Variants in CFAP69 observed in about 807,000 individuals in gnomAD.
CFAP69 encodes the protein cilia and flagella associated protein 69, also known as cilia- and flagella-associated protein 69.
Under a neutral mutation model 123.0 loss-of-function variants are expected in CFAP69, and 92 were observed. The observed-to-expected ratio is 0.75, with a 90% CI of 0.63 to 0.89. The LOEUF is 0.89. Ranked by LOEUF, CFAP69 falls within the 40% of genes least tolerant of loss-of-function variation. The probability of loss-of-function intolerance (pLI) is 0.00; values close to 1 mark genes in which losing one functional copy is unlikely to be tolerated. For missense variants in CFAP69, 1,067 were observed against 1,096.9 expected (o/e 0.97, Z 0.39); for synonymous variants, 380 against 364.3 (o/e 1.04, Z -0.49).
At chr7:90,253,300 C>T (rs1355628873) in intron 1 of CFAP69, among the ~76,000 whole-genome samples, 1 of 152,148 alleles carries the variant, frequency 6.6e-6, no homozygotes, top group Non-Finnish European at 1.5e-5. Flanking sequence ...TTGTAGATCC[C>T]TGTATCATCA....
At chr7:90,261,621 T>A (rs1357466008) in intron 3 of CFAP69, among the ~76,000 whole-genome samples, 1 of 152,220 alleles carries the variant, frequency 6.6e-6, no homozygotes, top group Non-Finnish European at 1.5e-5. Flanking sequence ...AGTAAGTTAA[T>A]GTTTTCAATG....
chr7:90,314,648 T>C, downstream of CFAP69, among the ~76,000 whole-genome samples: 1 of 150,030 alleles, frequency 6.7e-6, no homozygotes, highest in East Asian at 2.0e-4. Flanking sequence ...ATGAGAGGTA[T>C]ATAGGAACTC....
At chr7:90,254,930 G>A (rs1037865376) in intron 1 of CFAP69, among the ~76,000 whole-genome samples, 1 of 152,132 alleles carries the variant, frequency 6.6e-6, no homozygotes, top group African/African-American at 2.4e-5. Context: ...ATGGACTCAA[G>A]AAATATTTAA....
intron 15 of CFAP69, among the ~76,000 whole-genome samples, chr7:90,289,270 T>TC (rs1051546589): frequency 6.6e-6 from 1 of 152,096 alleles, no homozygotes; most frequent in African/African-American, 2.4e-5. Context: ...ATTACACCTT[T>TC]CCCAGTAGTG....
Position 90,310,110 on chromosome 7 carries a change from C to T in CFAP69, c.2698C>T (p.Arg900Ter), listed in dbSNP as rs764069420. The change falls in exon 23 of 23, where the codon CGA (arginine) becomes TGA (stop). Residue 900 changes from arginine (R) to a stop codon, truncating the protein, a stop_gained. Transcript: ENST00000389297. LOFTEE classifies it high-confidence loss of function. ...GVVTVESTPA[R>*]LVGGPLVDTD... ...AGTAACAGTGGAAAGCACTCCTGCC[C>T]GATTAGTAGGAGGACCTCTGGTTGA... The T allele has an allele frequency of 6.2e-6, 10 of 1,613,504 alleles. No individual in the cohort carries two copies. The highest frequency in any genetic ancestry group is 2.7e-5 in the African/African-American group (2 of 74,814).
chr7:90,283,181 G>T, intron 13 of CFAP69, 125 bp downstream of exon 13: 1 of 724,736 alleles, frequency 1.4e-6, no homozygotes, highest in South Asian at 4.5e-5. Flanking sequence ...ATATTTTCTT[G>T]ATTTTTGTTT....
chr7:90,273,566 G>A (rs750263694), intron 8 of CFAP69, among the ~76,000 whole-genome samples: 44 of 152,156 alleles, frequency 2.9e-4, no homozygotes, highest in Non-Finnish European at 6.0e-4. Context: ...TATAAAAAGG[G>A]AGATTTTGTT....
At chr7:90,273,950 A>G in intron 8 of CFAP69, 37 bp from the exon 9 acceptor site, 3 of 1,483,008 alleles carry the variant, frequency 2.0e-6, no homozygotes, top group Non-Finnish European at 9.2e-7. Flanking sequence ...TTTAGTGTAT[A>G]ACAATATAGT....
intron 9 of CFAP69, among the ~76,000 whole-genome samples, chr7:90,276,515 A>G (rs6465253): frequency 0.87 from 132,922 of 152,272 alleles, 58,146 homozygotes; most frequent in East Asian, 1. Flanking sequence ...AATGTGCAAA[A>G]TCCAACTAGG....
intron 13 of CFAP69, among the ~76,000 whole-genome samples, chr7:90,285,326 C>G (rs1790106995): frequency 6.6e-6 from 1 of 152,180 alleles, no homozygotes; most frequent in African/African-American, 2.4e-5. Context: ...TGGAGATAGG[C>G]TATGATTTCC....
chr7:90,297,266 G>A (rs907990307), intron 15 of CFAP69, among the ~76,000 whole-genome samples: 1 of 152,306 alleles, frequency 6.6e-6, no homozygotes. Flanking sequence ...TCCAAAGGGA[G>A]GAAGTTATAA....
rs559746774 is a variant in CFAP69, at chr7:90,309,399, T to C, written c.2655+32T>C. ...TTCTTTCTCCATAACATTTTCTTAATAGACATTAAATTTAGAGTGTTTGAA... is the reference window on the plus strand; with the variant it reads ...TTCTTTCTCCATAACATTTTCTTAACAGACATTAAATTTAGAGTGTTTGAA... On this transcript the variant is annotated intron_variant, in intron 22 of 22. Coordinates refer to ENST00000389297, the MANE Select transcript of CFAP69 (RefSeq NM_001039706.3). 3.2e-5 allele frequency: 40 copies of C among 1,252,582 alleles called. No homozygotes were observed. In the South Asian group the frequency reaches 5.6e-4, roughly 17 times the overall value. 77.6% of individuals were successfully genotyped at this position (1,252,582 alleles called of 1,614,324 possible).
At chr7:90,312,230 C>T (rs1171274265), downstream of CFAP69, among the ~76,000 whole-genome samples, 1 of 152,232 alleles carries the variant, frequency 6.6e-6, no homozygotes, top group Admixed American at 6.5e-5. Context: ...CAACAAAATA[C>T]TACACAAGTA....
intron 1 of CFAP69, among the ~76,000 whole-genome samples, chr7:90,250,581 T>C (rs1482484122): frequency 1.3e-5 from 2 of 152,238 alleles, no homozygotes; most frequent in Non-Finnish European, 2.9e-5. Flanking sequence ...GTAAGTCTGA[T>C]TGTCTTCAAA....
rs1419391057 is a variant in CFAP69, at chr7:90,304,827, A to G, written c.2265+7A>G. On this transcript the variant is annotated splice_region_variant and intron_variant, in intron 19 of 22. Transcript: ENST00000389297. ...TAGATATCTTGATTTTAAAGTAAGT[A>G]TCTTTTTAATAACCTGATTATTAAA... The G allele has an allele frequency of 1.4e-6, 2 of 1,404,308 alleles. No individual in the cohort carries two copies. Among genetic ancestry groups the G allele is most frequent in the Non-Finnish European group, 9.9e-7 (1 of 1,005,802 alleles). 87.0% of individuals were successfully genotyped at this position (1,404,308 alleles called of 1,614,324 possible).
intron 15 of CFAP69, 102 bp from the exon 16 acceptor site, chr7:90,297,647 A>G: frequency 1.4e-6 from 1 of 711,646 alleles, no homozygotes; most frequent in Non-Finnish European, 2.3e-6. Context: ...TAAGAAAATG[A>G]AGAAAACATA....
chr7:90,277,728 T>TA (rs1229899099), intron 11 of CFAP69, among the ~76,000 whole-genome samples: 2 of 152,140 alleles, frequency 1.3e-5, no homozygotes, highest in African/African-American at 4.8e-5. Flanking sequence ...CTCAAACTCT[T>TA]ATGAACCTGC....
intron 5 of CFAP69, among the ~76,000 whole-genome samples, chr7:90,267,701 G>T: frequency 6.6e-6 from 1 of 152,122 alleles, no homozygotes; most frequent in Non-Finnish European, 1.5e-5. Flanking sequence ...GAAGAGCAAA[G>T]TTCACCTGGA....
intron 18 of CFAP69, 39 bp downstream of exon 18, chr7:90,304,145 C>A: frequency 1.3e-6 from 2 of 1,534,414 alleles, no homozygotes; most frequent in Non-Finnish European, 1.8e-6. Flanking sequence ...GTCTGTTTTG[C>A]TAAGTATACA....
Sources: gnomAD v4.1 joint callset for allele counts (sites outside exome capture counted in the v4.1 genomes callset) on GRCh38, gnomAD v4.1.1 for gene constraint, MANE v1.5 for transcripts, NCBI Gene and HGNC (gene_info 2026-07-23, HGNC 2026-07-21) for gene names.